The following LRCH2 variants were observed in gnomAD, a reference collection of about 807,000 sequenced individuals.
LRCH2 encodes the protein leucine-rich repeat and calponin homology domain-containing protein 2.
LRCH2 carries 38 observed loss-of-function variants against 68.9 expected under a neutral mutation model. That is an observed-to-expected ratio of 0.55 (90% CI 0.43 to 0.72). LRCH2 has a LOEUF of 0.72. Ranked by LOEUF, LRCH2 falls within the 30% of genes least tolerant of loss-of-function variation. The probability of loss-of-function intolerance (pLI) is 0.00; values close to 1 mark genes in which losing one functional copy is unlikely to be tolerated. For synonymous variants in LRCH2, 191 were observed against 208.1 expected (o/e 0.92, Z 0.71); for missense variants, 528 against 572.9 (o/e 0.92, Z 0.80).
chrX:115,131,596 T>C (rs2072246029), intron 14 of LRCH2, among the ~76,000 whole-genome samples: 1 of 111,906 alleles, frequency 8.9e-6, no homozygotes, highest in Admixed American at 9.5e-5. Flanking sequence ...AGCAGCATGA[T>C]TTATAATCCT....
intron 1 of LRCH2, among the ~76,000 whole-genome samples, chrX:115,195,004 G>A (rs2072876688): frequency 9.0e-6 from 1 of 111,571 alleles, no homozygotes; most frequent in Non-Finnish European, 1.9e-5. Context: ...GAAAGTTGTG[G>A]CCAGGCACAG....
chrX:115,207,013 T>C (rs2147349195), intron 1 of LRCH2, among the ~76,000 whole-genome samples: 1 of 111,727 alleles, frequency 9.0e-6, no homozygotes, highest in African/African-American at 3.2e-5. Context: ...TTAACTTTTA[T>C]ATAGCTATAA....
At chrX:115,117,715 C>T (rs1189811242) in intron 20 of LRCH2, among the ~76,000 whole-genome samples, 1 of 111,127 alleles carries the variant, frequency 9.0e-6, no homozygotes, top group Non-Finnish European at 1.9e-5. Context: ...TTGTATCATT[C>T]CATTTATATA....
intron 14 of LRCH2, among the ~76,000 whole-genome samples, chrX:115,139,462 A>G (rs1195204708): frequency 8.9e-6 from 1 of 112,361 alleles, no homozygotes; most frequent in African/African-American, 3.2e-5. Flanking sequence ...TGTTTTGTCT[A>G]GAAATCAATT....
chrX:115,189,237 T>C (rs1446578652), intron 1 of LRCH2, among the ~76,000 whole-genome samples: 1 of 112,499 alleles, frequency 8.9e-6, no homozygotes, highest in African/African-American at 3.2e-5. Flanking sequence ...GGCTACTTCT[T>C]ATTTTCTATT....
intron 1 of LRCH2, among the ~76,000 whole-genome samples, chrX:115,203,397 A>C (rs1395093919): frequency 8.9e-6 from 1 of 112,195 alleles, no homozygotes; most frequent in African/African-American, 3.2e-5. Flanking sequence ...CACATTTGCA[A>C]AATTCCATCT....
At chrX:115,188,491 C>T (rs2072750988) in intron 1 of LRCH2, 121 bp from the exon 2 acceptor site, 3 of 468,376 alleles carry the variant, frequency 6.4e-6, no homozygotes, top group South Asian at 1.7e-4. Context: ...TTAAAATATA[C>T]AATATTATCC....
At chrX:115,125,016 A>G (rs2072174237) in intron 16 of LRCH2, among the ~76,000 whole-genome samples, 1 of 111,314 alleles carries the variant, frequency 9.0e-6, no homozygotes, top group African/African-American at 3.3e-5. Flanking sequence ...AAGCACATAC[A>G]TACTCACCAC....
At chrX:115,219,824 G>A (rs1214092641) in intron 1 of LRCH2, among the ~76,000 whole-genome samples, 1 of 111,878 alleles carries the variant, frequency 8.9e-6, no homozygotes, top group Non-Finnish European at 1.9e-5. Context: ...CTCCTCACAA[G>A]TCTATCTTAC....
chrX:115,179,722 A>G lies in LRCH2; in HGVS notation c.651T>C (p.Leu217=). The change falls in exon 4 of 21, where the codon CTT becomes CTC. Residue 217 remains leucine (L), a synonymous_variant. Coordinates refer to ENST00000317135, the MANE Select transcript of LRCH2 (RefSeq NM_020871.4). ...LDISCNEIQV[L]PQQMGKLHSL... ...AATGTAATTTTCCCATTTGTTGGGGAAGGACTTGAATCTCATTGCAGCTAA... is the reference window on the plus strand; with the variant it reads ...AATGTAATTTTCCCATTTGTTGGGGGAGGACTTGAATCTCATTGCAGCTAA... The G allele has an allele frequency of 8.6e-7, 1 of 1,159,527 alleles. No homozygotes were observed. Among genetic ancestry groups the G allele is most frequent in the Non-Finnish European group, 1.2e-6 (1 of 869,529 alleles).
At chrX:115,153,441 C>T (rs2072449118) in intron 12 of LRCH2, among the ~76,000 whole-genome samples, 1 of 110,586 alleles carries the variant, frequency 9.0e-6, no homozygotes, top group Non-Finnish European at 1.9e-5. Flanking sequence ...GAAAGTGATG[C>T]ACATGTAAAT....
At chrX:115,207,514 G>C (rs1556568688) in intron 1 of LRCH2, among the ~76,000 whole-genome samples, 1 of 111,709 alleles carries the variant, frequency 9.0e-6, no homozygotes, top group African/African-American at 3.3e-5. Flanking sequence ...ACTCATGCCT[G>C]GGTGACAGTG....
At chrX:115,161,197 C>CA (rs1315058188) in intron 11 of LRCH2, among the ~76,000 whole-genome samples, 3 of 110,229 alleles carry the variant, frequency 2.7e-5, no homozygotes, top group East Asian at 2.9e-4. Flanking sequence ...TACTAAAATA[C>CA]AAAAAAAATA....
intron 14 of LRCH2, among the ~76,000 whole-genome samples, chrX:115,145,806 T>A (rs1387293847): frequency 1.8e-5 from 2 of 111,349 alleles, no homozygotes; most frequent in South Asian, 7.5e-4. Context: ...GGTGAGGATG[T>A]GGAGAAAAGG....
At position 115,191,716 on chromosome X, in the gene LRCH2, G is replaced by A. The variant is rs372675064; in HGVS notation, c.350-3346C>T. On this transcript the variant is annotated intron_variant, in intron 1 of 20. Coordinates refer to ENST00000317135, the MANE Select transcript of LRCH2 (RefSeq NM_020871.4). ...CAACAGCAGTGGCCGCTTGCCTGACGCCTACAGTGGGGGCCATGACAGTTC... is the reference window on the plus strand; with the variant it reads ...CAACAGCAGTGGCCGCTTGCCTGACACCTACAGTGGGGGCCATGACAGTTC... The A allele has an allele frequency of 5.8e-5, 67 of 1,162,375 alleles. No homozygotes were observed. The African/African-American group carries it at 6.8e-4, about 12-fold the overall frequency.
intron 12 of LRCH2, among the ~76,000 whole-genome samples, chrX:115,154,368 A>G (rs2072456617): frequency 8.9e-6 from 1 of 112,020 alleles, no homozygotes; most frequent in African/African-American, 3.2e-5. Flanking sequence ...TAGGTAAGGT[A>G]TTGAAGATTT....
intron 1 of LRCH2, among the ~76,000 whole-genome samples, chrX:115,194,167 ATATT>A (rs2072869867): frequency 9.0e-6 from 1 of 111,453 alleles, no homozygotes; most frequent in Non-Finnish European, 1.9e-5. Flanking sequence ...AGAGAGATAT[ATATT>A]CTCATTCTTA....
At chrX:115,121,256 A>T (rs186809176) in intron 20 of LRCH2, among the ~76,000 whole-genome samples, 1 of 111,434 alleles carries the variant, frequency 9.0e-6, no homozygotes, top group East Asian at 2.8e-4. Context: ...AATCTGTATA[A>T]TGTAATGGCT....
chrX:115,167,366 T>C (rs1293437230), intron 6 of LRCH2, among the ~76,000 whole-genome samples: 3 of 107,887 alleles, frequency 2.8e-5, no homozygotes, highest in African/African-American at 1.0e-4. Flanking sequence ...GAGCTAGCTC[T>C]CAGCCTAGAG....
Sources: gnomAD v4.1 joint callset for allele counts (sites outside exome capture counted in the v4.1 genomes callset) on GRCh38, gnomAD v4.1.1 for gene constraint, MANE v1.5 for transcripts, NCBI Gene and HGNC (gene_info 2026-07-23, HGNC 2026-07-21) for gene names.